Variants in KIAA1549L observed in about 807,000 individuals in gnomAD.
The protein encoded by KIAA1549L is KIAA1549 like, also known as UPF0606 protein KIAA1549L.
KIAA1549L carries 88 observed loss-of-function variants against 160.7 expected under a neutral mutation model. The ratio of observed to expected loss-of-function variants is 0.55; its 90% CI spans 0.46 to 0.65. The LOEUF (loss-of-function observed/expected upper bound fraction) is 0.65. Among genes scored for constraint, KIAA1549L ranks in the 30% least tolerant of loss-of-function variants. The pLI is 0.00. For synonymous variants in KIAA1549L, 950 were observed against 976.7 expected (o/e 0.97, Z 0.51); for missense variants, 2,258 against 2,437.5 (o/e 0.93, Z 1.55).
chr11:33,509,406 CA>C (rs974872647), intron 1 of KIAA1549L, among the ~76,000 whole-genome samples: 2 of 152,164 alleles, frequency 1.3e-5, no homozygotes, highest in African/African-American at 2.4e-5. Context: ...GTAATGGGAC[CA>C]TATCACTTAA....
At chr11:33,380,740 A>G (rs985589395) in intron 1 of KIAA1549L, among the ~76,000 whole-genome samples, 1 of 152,098 alleles carries the variant, frequency 6.6e-6, no homozygotes, top group Admixed American at 6.5e-5. Context: ...CATTGGGCGC[A>G]TATGTATTTA....
At chr11:33,525,123 A>G (rs1853582916) in intron 1 of KIAA1549L, among the ~76,000 whole-genome samples, 1 of 152,202 alleles carries the variant, frequency 6.6e-6, no homozygotes. Flanking sequence ...GACTCAAACC[A>G]TGAACTTGAG....
chr11:33,477,671 T>C (rs891009760), intron 1 of KIAA1549L, among the ~76,000 whole-genome samples: 1 of 152,220 alleles, frequency 6.6e-6, no homozygotes, highest in Non-Finnish European at 1.5e-5. Context: ...GTGATCTCTT[T>C]AGATGGCTTT....
intron 1 of KIAA1549L, among the ~76,000 whole-genome samples, chr11:33,495,081 A>G (rs777847328): frequency 2.6e-5 from 4 of 151,482 alleles, no homozygotes; most frequent in Admixed American, 6.6e-5. Context: ...GGCATTTGCT[A>G]CTTTATTATT....
chr11:33,479,843 G>T (rs1852371941), intron 1 of KIAA1549L, among the ~76,000 whole-genome samples: 1 of 152,140 alleles, frequency 6.6e-6, no homozygotes, highest in African/African-American at 2.4e-5. Flanking sequence ...AGGACTCTCA[G>T]GACCAAGCAA....
At chr11:33,617,579 A>G (rs916890188) in intron 15 of KIAA1549L, among the ~76,000 whole-genome samples, 2 of 152,158 alleles carry the variant, frequency 1.3e-5, no homozygotes, top group African/African-American at 2.4e-5. Flanking sequence ...TGATCATCCT[A>G]TCTAAAGTTG....
intron 1 of KIAA1549L, among the ~76,000 whole-genome samples, chr11:33,498,976 T>A (rs915407573): frequency 6.6e-6 from 1 of 152,140 alleles, no homozygotes; most frequent in Non-Finnish European, 1.5e-5. Context: ...TGTGAGGAAG[T>A]GCAGGTTGTC....
intron 14 of KIAA1549L, among the ~76,000 whole-genome samples, chr11:33,608,880 G>A (rs1406828): frequency 2.6e-4 from 40 of 152,300 alleles, no homozygotes; most frequent in African/African-American, 9.4e-4. Context: ...TCCTTCTATT[G>A]TGGGTGGCTG....
In KIAA1549L at chr11:33,668,865, G is replaced by T. The variant is rs564298146; in HGVS notation, c.*711G>T. 1 of 152,296 alleles carries T rather than the reference G, an allele frequency of 6.6e-6. No individual in the cohort carries two copies. Among genetic ancestry groups the T allele is most frequent in the East Asian group, 1.9e-4 (1 of 5,178 alleles). The allele number at this position is 152,296 out of a possible 1,614,324, so 9.4% of individuals were successfully genotyped here. ...ATTTTTTAAAAGGTGTTGCCATTTT[G>T]GAAATAAAAGTCCCCTACAAGTTAG... On this transcript the variant is annotated 3_prime_UTR_variant, in exon 21 of 21. Coordinates refer to ENST00000658780, the MANE Select transcript of KIAA1549L (RefSeq NM_012194.3).
At chr11:33,548,965 A>G (rs1195051588) in intron 4 of KIAA1549L, among the ~76,000 whole-genome samples, 3 of 152,252 alleles carry the variant, frequency 2.0e-5, no homozygotes, top group Admixed American at 6.5e-5. Flanking sequence ...AGAAGAAAAA[A>G]GAAATGCATT....
chr11:33,572,975 C>G (rs1478332476), intron 9 of KIAA1549L, among the ~76,000 whole-genome samples: 2 of 152,208 alleles, frequency 1.3e-5, no homozygotes, highest in Admixed American at 1.3e-4. Flanking sequence ...TCAGTTCTTA[C>G]TTTAGCCGTG....
At chr11:33,465,354 C>T (rs1852034480) in intron 1 of KIAA1549L, among the ~76,000 whole-genome samples, 1 of 151,976 alleles carries the variant, frequency 6.6e-6, no homozygotes, top group Non-Finnish European at 1.5e-5. Context: ...GTGCCCGGCC[C>T]CAGGGGACCT....
At chr11:33,653,180 T>C (rs1171347688) in intron 17 of KIAA1549L, among the ~76,000 whole-genome samples, 1 of 152,228 alleles carries the variant, frequency 6.6e-6, no homozygotes, top group African/African-American at 2.4e-5. Flanking sequence ...GGGGGACTAC[T>C]GTAATAAGAC....
In KIAA1549L at chr11:33,649,338, CG is replaced by C. The variant is rs1195629780; in HGVS notation, c.5760+3307del. Among the ~76,000 whole-genome samples the C allele has an allele frequency of 1.7e-3, 219 of 128,458 alleles. 7 individuals carry two copies. The highest frequency in any genetic ancestry group is 7.9e-3 in the Middle Eastern group (2 of 254). The allele number at this position is 128,458 out of a possible 152,430, so 84.3% of individuals were successfully genotyped here. ...GCAATATAATGAGATCCTGTCTCTA[CG>C]GGGGAAAAAAAAAAAAAAAAAAAAA... On this transcript the variant is annotated intron_variant, in intron 17 of 20. Coordinates refer to ENST00000658780, the MANE Select transcript of KIAA1549L (RefSeq NM_012194.3).
chr11:33,586,460 G>A (rs1480061408), intron 11 of KIAA1549L, among the ~76,000 whole-genome samples: 1 of 152,180 alleles, frequency 6.6e-6, no homozygotes, highest in Non-Finnish European at 1.5e-5. Flanking sequence ...CCAGCATCAT[G>A]ACTTTTGTCA....
chr11:33,563,881 G>A (rs2133224687), intron 8 of KIAA1549L, among the ~76,000 whole-genome samples: 1 of 152,152 alleles, frequency 6.6e-6, no homozygotes, highest in Non-Finnish European at 1.5e-5. Flanking sequence ...CTTCACCACA[G>A]GCTGTCCTTG....
intron 17 of KIAA1549L, among the ~76,000 whole-genome samples, chr11:33,651,848 CTCCCAT>C (rs1235303458): frequency 2.5e-5 from 2 of 79,800 alleles, no homozygotes; most frequent in Non-Finnish European, 4.7e-5. Context: ...TCCCCTCCCC[CTCCCAT>C]TCCCCTCCCC....
chr11:33,636,349 C>CTTT lies in KIAA1549L; in HGVS notation c.5410-9322_5410-9320dup, dbSNP rs71034697. Among the ~76,000 whole-genome samples, 276 of 136,106 alleles carry CTTT rather than the reference C, an allele frequency of 2.0e-3. 4 individuals carry two copies. Among genetic ancestry groups the CTTT allele is most frequent in the Non-Finnish European group, 3.0e-3 (193 of 63,994 alleles). The allele number at this position is 136,106 out of a possible 152,430, so 89.3% of individuals were successfully genotyped here. A position where few individuals can be genotyped will look rare whatever the true frequency, so the allele number is the denominator to read the frequency against. On this transcript the variant is annotated intron_variant, in intron 16 of 20. Coordinates refer to ENST00000658780, the MANE Select transcript of KIAA1549L (RefSeq NM_012194.3). ...ACAATCTCTGGTAACAATGAATCTT[C>CTTT]TTTTTTTTTTTTTTTTTGAGACAGA...
intron 17 of KIAA1549L, 129 bp downstream of exon 17, chr11:33,646,165 C>T (rs890043746): frequency 9.9e-6 from 7 of 708,602 alleles, no homozygotes; most frequent in African/African-American, 7.2e-5. Flanking sequence ...ATGCCAGGCC[C>T]TCATCCCATC....
Sources: gnomAD v4.1 joint callset for allele counts (sites outside exome capture counted in the v4.1 genomes callset) on GRCh38, gnomAD v4.1.1 for gene constraint, MANE v1.5 for transcripts, NCBI Gene and HGNC (gene_info 2026-07-23, HGNC 2026-07-21) for gene names.